The following SHC4 variants were observed in gnomAD, a reference collection of about 807,000 sequenced individuals.
SHC4 encodes SHC-transforming protein 4.
SHC4 carries 41 observed loss-of-function variants against 69.4 expected under a neutral mutation model. The ratio of observed to expected loss-of-function variants is 0.59; its 90% confidence interval spans 0.46 to 0.77. SHC4 has a LOEUF of 0.77. Among genes scored for constraint, SHC4 ranks in the 30% least tolerant of loss-of-function variants. The pLI is 0.00. For synonymous variants in SHC4, 318 were observed against 299.3 expected, an observed-to-expected ratio of 1.06 and a Z score of -0.64; for missense variants, 777 against 783.8, an observed-to-expected ratio of 0.99 and a Z score of 0.10.
At chr15:48,886,346 T>C (rs1055708226) in intron 3 of SHC4, among the ~76,000 whole-genome samples, 14 of 152,194 alleles carry the variant, frequency 9.2e-5, no homozygotes, top group African/African-American at 3.4e-4. Context: ...TAAAGAACTT[T>C]TACGTAAATC....
At chr15:48,884,444 T>C in intron 3 of SHC4, 77 bp from the exon 4 acceptor site, 9 of 1,320,944 alleles carry the variant, frequency 6.8e-6, no homozygotes, top group Non-Finnish European at 9.0e-6. Flanking sequence ...TTTTTAAATG[T>C]TAAAAATGAG....
intron 6 of SHC4, among the ~76,000 whole-genome samples, chr15:48,861,694 TCTG>T (rs1476480389): frequency 6.6e-6 from 1 of 152,208 alleles, no homozygotes; most frequent in Non-Finnish European, 1.5e-5. Context: ...GCTTCCCATG[TCTG>T]GAATCAGATG....
At chr15:48,900,756 C>G (rs1246421910) in intron 2 of SHC4, among the ~76,000 whole-genome samples, 2 of 152,118 alleles carry the variant, frequency 1.3e-5, no homozygotes, top group African/African-American at 2.4e-5. Context: ...ACTACACCAC[C>G]AAGAATTTTA....
rs541730188 is a variant in SHC4 at position 48,824,424 on chromosome 15, A to C, written c.*1547T>G. On this transcript the variant is annotated 3_prime_UTR_variant, in exon 12 of 12. Coordinates refer to ENST00000332408, the MANE Select transcript of SHC4 (RefSeq NM_203349.4). ...CAGATAACTCAAGATTAAAAAAAAA[A>C]ACAAAAAACATTTTTCTTGGAAAGG... 2 of 152,130 alleles carry C rather than the reference A, an allele frequency of 1.3e-5. No homozygotes were observed. The highest frequency in any genetic ancestry group is 4.8e-5 in the African/African-American group (2 of 41,534). 9.4% of individuals were successfully genotyped at this position (152,130 alleles called of 1,614,324 possible).
chr15:48,950,263 T>C (rs940960298), intron 1 of SHC4, among the ~76,000 whole-genome samples: 1 of 147,400 alleles, frequency 6.8e-6, no homozygotes, highest in Admixed American at 6.8e-5. Context: ...ATATTTTAGA[T>C]AATATATAAA....
intron 1 of SHC4, among the ~76,000 whole-genome samples, chr15:48,960,569 C>A (rs531983444): frequency 2.0e-5 from 3 of 152,296 alleles, no homozygotes; most frequent in South Asian, 2.1e-4. Context: ...ACTGCCCAAG[C>A]CTGCTCTCTC....
intron 4 of SHC4, chr15:48,876,606 C>G (rs561714653): frequency 2.4e-5 from 17 of 697,814 alleles, no homozygotes; most frequent in African/African-American, 2.1e-4. Flanking sequence ...AGAGCCAGTC[C>G]GAGTTCTGAA....
chr15:48,893,190 T>C (rs1395787690), intron 2 of SHC4, among the ~76,000 whole-genome samples: 2 of 152,154 alleles, frequency 1.3e-5, no homozygotes, highest in Non-Finnish European at 2.9e-5. Context: ...TGAACCTTCC[T>C]GGCAGGGAGG....
chr15:48,958,164 CT>C (rs1248033380), intron 1 of SHC4, among the ~76,000 whole-genome samples: 1 of 152,206 alleles, frequency 6.6e-6, no homozygotes, highest in Non-Finnish European at 1.5e-5. Flanking sequence ...GTTGGCTGGG[CT>C]GGGCTGAAGT....
intron 2 of SHC4, among the ~76,000 whole-genome samples, chr15:48,913,705 C>T (rs1567068349): frequency 6.6e-6 from 1 of 152,148 alleles, no homozygotes; most frequent in East Asian, 1.9e-4. Context: ...CTCTGGTCAC[C>T]CTCCCGATGG....
In SHC4 at chr15:48,949,921, A is replaced by G. The variant is rs181398300; in HGVS notation, c.585+12510T>C. ...TATAAATTATACATATAATTTATAT[A>G]ATATATTAATATGCAGATTATATAT... On this transcript the variant is annotated intron_variant, in intron 1 of 11. Transcript: ENST00000332408. 6.3e-3 allele frequency among the ~76,000 whole-genome samples: 907 copies of G among 143,930 alleles called. 22 individuals carry two copies. Among genetic ancestry groups the G allele is most frequent in the African/African-American group, 0.022 (871 of 39,632 alleles). The allele number at this position is 143,930 out of a possible 152,430, so 94.4% of individuals were successfully genotyped here.
chr15:48,878,133 T>G, intron 4 of SHC4: 1 of 1,511,724 alleles, frequency 6.6e-7, no homozygotes, highest in Non-Finnish European at 8.9e-7. Context: ...GCGCAGCATC[T>G]GTCTTGCTGG....
At chr15:48,923,802 GCTATGTT>G (rs1031512148) in intron 2 of SHC4, among the ~76,000 whole-genome samples, 11 of 151,916 alleles carry the variant, frequency 7.2e-5, no homozygotes, top group African/African-American at 2.4e-4. Flanking sequence ...ACCGTGCCTG[GCTATGTT>G]CTTTTTACTT....
intron 2 of SHC4, among the ~76,000 whole-genome samples, chr15:48,912,137 C>G (rs1320225693): frequency 6.6e-6 from 1 of 152,180 alleles, no homozygotes; most frequent in African/African-American, 2.4e-5. Flanking sequence ...AGGTCTCTAG[C>G]AAGACCAGGG....
intron 1 of SHC4, among the ~76,000 whole-genome samples, chr15:48,956,764 G>T (rs1901460396): frequency 6.6e-6 from 1 of 152,078 alleles, no homozygotes; most frequent in African/African-American, 2.4e-5. Context: ...AGAAGTGAAT[G>T]CATCCCTGAA....
rs2141044984 is a variant in SHC4, at chr15:48,962,439, A to G, written c.577T>C (p.Cys193Arg). 6.6e-7 allele frequency: 1 copy of G among 1,518,856 alleles called. No homozygotes were observed. The highest frequency in any genetic ancestry group is 8.8e-7 in the Non-Finnish European group (1 of 1,134,672). 94.1% of individuals were successfully genotyped at this position (1,518,856 alleles called of 1,614,324 possible). The change falls in exon 1 of 12, where the codon TGT becomes CGT. Residue 193 changes from cysteine to arginine, a missense_variant. Physicochemically the swap from Cys to Arg is radical, Grantham distance 180. Transcript: ENST00000332408. ...QHLLGMGMNY[C>R]VRYMGCVEVL... is the part of the protein sequence containing the mutation. ...GAGGAAAATGGACTTACCCTCACAC[A>G]GTAGTTCATGCCCATCCCCAACAGG...
chr15:48,825,703 T>C lies in SHC4; in HGVS notation c.*268A>G, dbSNP rs1898675696. On this transcript the variant is annotated 3_prime_UTR_variant, in exon 12 of 12. Coordinates refer to ENST00000332408, the MANE Select transcript of SHC4 (RefSeq NM_203349.4). ...AGTTGTGCTTTTAGCTTGTTATCAA[T>C]GCAATATGGCCTTAAAAAGTGACAT... is the stretch of plus-strand genomic sequence containing the variant. 9.5e-6 allele frequency: 3 copies of C among 315,650 alleles called. No individual in the cohort carries two copies. Among genetic ancestry groups the C allele is most frequent in the Non-Finnish European group, 1.7e-5 (3 of 173,030 alleles). The allele number at this position is 315,650 out of a possible 1,614,324, so 19.6% of individuals were successfully genotyped here.
At chr15:48,953,801 T>A (rs1252326748) in intron 1 of SHC4, among the ~76,000 whole-genome samples, 1 of 152,226 alleles carries the variant, frequency 6.6e-6, no homozygotes, top group Non-Finnish European at 1.5e-5. Flanking sequence ...AATGTGGACA[T>A]CCTTGATGTA....
chr15:48,843,559 G>A lies in SHC4; in HGVS notation c.1333C>T (p.Gln445Ter), dbSNP rs1441737386. 1 of 1,614,102 alleles carries A rather than the reference G, an allele frequency of 6.2e-7. No homozygotes were observed. The highest frequency in any genetic ancestry group is 1.1e-5 in the South Asian group (1 of 91,080). Residue 445 changes from glutamine to a stop codon, truncating the protein, a stop_gained, in exon 10 of 12, where the codon CAG (glutamine) becomes TAG (stop). Transcript: ENST00000332408. LOFTEE classifies it high-confidence loss of function. ...GNVHPRGVQS[Q>*]RDTSLLKHTC... ...TGCTTCAATAATGAGGTATCTCGCT[G>A]GGACTGCACCCCTCTTGGATGGACA...
Sources: allele counts gnomAD v4.1 joint callset (sites outside exome capture counted in the v4.1 genomes callset), GRCh38; gene constraint gnomAD v4.1.1; transcripts MANE v1.5; gene names NCBI Gene and HGNC (gene_info 2026-07-23, HGNC 2026-07-21).